The following SGK3 variants were observed in gnomAD, a reference collection of about 807,000 sequenced individuals.
SGK3 encodes serum/glucocorticoid regulated kinase family member 3.
Under a neutral mutation model 68.5 loss-of-function variants are expected in SGK3, and 47 were observed. The ratio of observed to expected loss-of-function variants is 0.69; its 90% CI spans 0.54 to 0.87. The LOEUF (loss-of-function observed/expected upper bound fraction) is 0.87. Ranked by LOEUF, SGK3 falls within the 40% of genes least tolerant of loss-of-function variation. The pLI is 0.00. For synonymous variants in SGK3, 181 were observed against 189.1 expected (o/e 0.96, Z 0.35); for missense variants, 479 against 575.5 (o/e 0.83, Z 1.72).
At chr8:66,828,173 T>G (rs1809144935) in intron 6 of SGK3, among the ~76,000 whole-genome samples, 1 of 152,124 alleles carries the variant, frequency 6.6e-6, no homozygotes, top group African/African-American at 2.4e-5. Context: ...TGTCTATGTT[T>G]GCTTTGTCTG....
chr8:66,813,972 C>A, intron 5 of SGK3, 44 bp downstream of exon 5: 2 of 1,460,690 alleles, frequency 1.4e-6, no homozygotes, highest in Non-Finnish European at 1.8e-6. Flanking sequence ...TAAAACTAAA[C>A]CTAAGAATAC....
Position 66,860,809 on chromosome 8 carries a change from A to G in SGK3, c.*1228A>G, listed in dbSNP as rs1199828551. ...AAAATAAAAAATTGAGCTTTCTAGA[A>G]TATTTGCCTAATTGGGAATTAAAAA... On this transcript the variant is annotated 3_prime_UTR_variant, in exon 17 of 17. Transcript: ENST00000521198. The G allele has an allele frequency of 2.0e-5, 3 of 152,218 alleles. No homozygotes were observed. Among genetic ancestry groups the G allele is most frequent in the Non-Finnish European group, 4.4e-5 (3 of 68,042 alleles). 9.4% of individuals were successfully genotyped at this position (152,218 alleles called of 1,614,324 possible).
intron 4 of SGK3, among the ~76,000 whole-genome samples, chr8:66,809,411 T>C (rs1323573387): frequency 1.3e-5 from 2 of 152,168 alleles, no homozygotes; most frequent in Non-Finnish European, 2.9e-5. Flanking sequence ...GACTGAAGTT[T>C]GATCAAAAGA....
chr8:66,847,467 GA>G (rs1367549957), intron 15 of SGK3, 119 bp downstream of exon 15: 6 of 1,420,872 alleles, frequency 4.2e-6, no homozygotes, highest in Non-Finnish European at 5.6e-6. Flanking sequence ...TAGCAACATG[GA>G]AAAAAAGCAT....
At chr8:66,779,576 AT>A (rs1158041513) in intron 1 of SGK3, among the ~76,000 whole-genome samples, 1 of 123,352 alleles carries the variant, frequency 8.1e-6, no homozygotes, top group Non-Finnish European at 1.7e-5. Context: ...ATATATATAT[AT>A]ATATATATAT....
chr8:66,719,316 ATTTGTTTG>A (rs111716297), intron 1 of SGK3, among the ~76,000 whole-genome samples: 2 of 145,094 alleles, frequency 1.4e-5, no homozygotes, highest in African/African-American at 2.5e-5. Context: ...TTTTTCTTTT[ATTTGTTTG>A]TTTGTTTGTT....
intron 1 of SGK3, among the ~76,000 whole-genome samples, chr8:66,742,857 C>A (rs1240324469): frequency 6.6e-6 from 1 of 152,172 alleles, no homozygotes; most frequent in Non-Finnish European, 1.5e-5. Context: ...AGTCTCCAAT[C>A]ATGCCTTTCT....
intron 2 of SGK3, among the ~76,000 whole-genome samples, chr8:66,797,512 G>A: frequency 6.6e-6 from 1 of 152,090 alleles, no homozygotes; most frequent in Non-Finnish European, 1.5e-5. Flanking sequence ...CTCATGTAGG[G>A]TGTCTCATGT....
At chr8:66,829,978 C>T (rs1318818257) in intron 7 of SGK3, among the ~76,000 whole-genome samples, 1 of 151,936 alleles carries the variant, frequency 6.6e-6, no homozygotes, top group Non-Finnish European at 1.5e-5. Context: ...GTTCTCCCTC[C>T]TGAGCCTTCT....
At chr8:66,714,962 A>G (rs1804590937) in intron 1 of SGK3, among the ~76,000 whole-genome samples, 1 of 152,192 alleles carries the variant, frequency 6.6e-6, no homozygotes. Flanking sequence ...GGCTTCAGAT[A>G]TCTTGCTCTT....
chr8:66,748,835 G>A (rs1423531856), intron 1 of SGK3, among the ~76,000 whole-genome samples: 3 of 152,096 alleles, frequency 2.0e-5, no homozygotes, highest in South Asian at 2.1e-4. Context: ...TTGGCCATTA[G>A]GGACTTCTGA....
chr8:66,804,579 G>A, intron 4 of SGK3, 132 bp downstream of exon 4: 1 of 921,114 alleles, frequency 1.1e-6, no homozygotes, highest in Non-Finnish European at 1.6e-6. Context: ...TAATGCCGCA[G>A]GAAGGTGCTT....
chr8:66,784,409 C>G (rs1025075869), intron 1 of SGK3, among the ~76,000 whole-genome samples: 3 of 152,090 alleles, frequency 2.0e-5, no homozygotes, highest in Non-Finnish European at 4.4e-5. Context: ...CACCAACTCA[C>G]CCTCCCTGCT....
At chr8:66,786,456 C>T (rs985217838) in intron 1 of SGK3, among the ~76,000 whole-genome samples, 1 of 152,164 alleles carries the variant, frequency 6.6e-6, no homozygotes, top group Non-Finnish European at 1.5e-5. Context: ...TTATAATAAG[C>T]TTAGCCACTA....
intron 12 of SGK3, among the ~76,000 whole-genome samples, 200 bp downstream of exon 12, chr8:66,840,447 A>G (rs1252839203): frequency 6.6e-6 from 1 of 152,184 alleles, no homozygotes; most frequent in African/African-American, 2.4e-5. Context: ...ATAAAGGGGT[A>G]GCATTAGGGA....
intron 6 of SGK3, among the ~76,000 whole-genome samples, chr8:66,822,978 A>G (rs1437991977): frequency 6.6e-6 from 1 of 152,182 alleles, no homozygotes; most frequent in Admixed American, 6.5e-5. Context: ...CTAAAAAGTA[A>G]TATAGGTTAA....
chr8:66,784,967 G>A (rs1368589713), intron 1 of SGK3, among the ~76,000 whole-genome samples: 1 of 152,086 alleles, frequency 6.6e-6, no homozygotes, highest in Non-Finnish European at 1.5e-5. Context: ...GGTTGTCATC[G>A]TGATGGGGCC....
At chr8:66,772,964 G>A (rs1806564595) in intron 1 of SGK3, among the ~76,000 whole-genome samples, 1 of 152,148 alleles carries the variant, frequency 6.6e-6, no homozygotes, top group South Asian at 2.1e-4. Context: ...AAGTAGCCCT[G>A]CTACATGGTA....
At chr8:66,761,615 A>G (rs1008852178) in intron 1 of SGK3, among the ~76,000 whole-genome samples, 2 of 152,122 alleles carry the variant, frequency 1.3e-5, no homozygotes, top group African/African-American at 4.8e-5. Flanking sequence ...CTAAAAATAC[A>G]CAAGTTAGCT....
Sources: gnomAD v4.1 joint callset for allele counts (sites outside exome capture counted in the v4.1 genomes callset) on GRCh38, gnomAD v4.1.1 for gene constraint, MANE v1.5 for transcripts, NCBI Gene and HGNC (gene_info 2026-07-23, HGNC 2026-07-21) for gene names.